The following IGF2BP3 variants were observed in gnomAD, a reference collection of about 807,000 sequenced individuals.
IGF2BP3 encodes the protein insulin-like growth factor 2 mRNA-binding protein 3.
In IGF2BP3, 9 loss-of-function variants were observed where a neutral mutation model predicts 73.8. The ratio of observed to expected loss-of-function variants is 0.12; its 90% confidence interval spans 0.07 to 0.21. IGF2BP3 has a LOEUF of 0.21. Ranked by LOEUF, IGF2BP3 falls within the 10% of genes least tolerant of loss-of-function variation. IGF2BP3 has a pLI of 1.00. For missense variants in IGF2BP3, 542 were observed against 714.0 expected, an observed-to-expected ratio of 0.76 and a Z score of 2.75; for synonymous variants, 258 against 256.7, an observed-to-expected ratio of 1.01 and a Z score of -0.05.
intron 2 of IGF2BP3, among the ~76,000 whole-genome samples, chr7:23,433,391 C>T (rs1057016878): frequency 6.6e-6 from 1 of 151,858 alleles, no homozygotes; most frequent in Admixed American, 6.6e-5. Flanking sequence ...AAAATACATA[C>T]AGATGTTGAA....
chr7:23,425,925 C>T (rs1441936841), intron 2 of IGF2BP3, among the ~76,000 whole-genome samples: 8 of 151,614 alleles, frequency 5.3e-5, no homozygotes, highest in Admixed American at 4.6e-4. Flanking sequence ...GTGGTGGTAC[C>T]ACTGCACTCC....
At chr7:23,314,086 C>T (rs539756843) in intron 12 of IGF2BP3, among the ~76,000 whole-genome samples, 3 of 152,286 alleles carry the variant, frequency 2.0e-5, no homozygotes, top group African/African-American at 7.2e-5. Flanking sequence ...ATGGTACAAT[C>T]ATAGCTCACT....
At position 23,349,553 on chromosome 7, in the gene IGF2BP3, G is replaced by A. The variant is rs140475626; in HGVS notation, c.683+1752C>T. On this transcript the variant is annotated intron_variant, in intron 6 of 14. Coordinates refer to ENST00000258729, the MANE Select transcript of IGF2BP3 (RefSeq NM_006547.3). ...CAGTTTATTTTCACCCTTTCACTGT[G>A]CTAAGGATTACTAAGCTCCGATCCC... Among the ~76,000 whole-genome samples the A allele has an allele frequency of 6.5e-4, 99 of 152,202 alleles. 1 individual carries two copies. The highest frequency in any genetic ancestry group is 3.4e-3 in the Middle Eastern group (1 of 294).
intron 3 of IGF2BP3, among the ~76,000 whole-genome samples, chr7:23,372,178 G>A (rs1785570936): frequency 6.6e-6 from 1 of 151,976 alleles, no homozygotes; most frequent in Admixed American, 6.5e-5. Flanking sequence ...GGGTTCAAGC[G>A]ATTCTTCTGC....
intron 3 of IGF2BP3, among the ~76,000 whole-genome samples, chr7:23,394,022 C>T (rs1220646407): frequency 2.6e-5 from 4 of 152,046 alleles, no homozygotes; most frequent in African/African-American, 7.2e-5. Context: ...AATTCCTACA[C>T]TTGTGTATAC....
At chr7:23,362,058 C>T (rs450096) in intron 3 of IGF2BP3, among the ~76,000 whole-genome samples, 5,919 of 152,280 alleles carry the variant, frequency 0.039, 187 homozygotes, top group South Asian at 0.11. Context: ...CATACATACA[C>T]AAACACATCA....
chr7:23,384,307 G>T (rs1374671809), intron 3 of IGF2BP3, among the ~76,000 whole-genome samples: 1 of 151,846 alleles, frequency 6.6e-6, no homozygotes, highest in Non-Finnish European at 1.5e-5. Context: ...TTCAGTGGGG[G>T]GAAAGAACAA....
Position 23,419,070 on chromosome 7 carries a change from C to T in IGF2BP3, c.237-246G>A, listed in dbSNP as rs371122864. Among the ~76,000 whole-genome samples the T allele has an allele frequency of 6.6e-5, 10 of 152,296 alleles. No individual in the cohort carries two copies. In the East Asian group the frequency reaches 1.7e-3, roughly 26 times the overall value. On this transcript the variant is annotated intron_variant, in intron 2 of 14. Transcript: ENST00000258729. ...TTATTTTAAAAGCCACTAAAATTGG[C>T]AGATAGAATGTTTAAAACACACTTA...
chr7:23,388,527 G>A (rs1005471956), intron 3 of IGF2BP3, among the ~76,000 whole-genome samples: 1 of 151,926 alleles, frequency 6.6e-6, no homozygotes, highest in African/African-American at 2.4e-5. Context: ...GGCTTCTATG[G>A]GAAAATAAAT....
chr7:23,370,529 C>T (rs1785511055), intron 3 of IGF2BP3, among the ~76,000 whole-genome samples: 1 of 152,182 alleles, frequency 6.6e-6, no homozygotes, highest in African/African-American at 2.4e-5. Flanking sequence ...CAGAGCTGCA[C>T]TATCCCATAA....
intron 10 of IGF2BP3, among the ~76,000 whole-genome samples, chr7:23,336,587 C>T (rs1275073347): frequency 3.9e-5 from 6 of 151,966 alleles, no homozygotes; most frequent in Admixed American, 6.6e-5. Flanking sequence ...CTCATTGCAA[C>T]CTCCACCTCC....
chr7:23,368,379 G>GAAAGAAAGAAAGAA (rs1562705087), intron 3 of IGF2BP3, among the ~76,000 whole-genome samples: 1 of 149,736 alleles, frequency 6.7e-6, no homozygotes, highest in African/African-American at 2.5e-5. Context: ...AAGAAAGAAA[G>GAAAGAAAGAAAGAA]AAAGAAAAGA....
At chr7:23,453,682 CTT>C (rs1788251502) in intron 2 of IGF2BP3, among the ~76,000 whole-genome samples, 1 of 151,820 alleles carries the variant, frequency 6.6e-6, no homozygotes, top group South Asian at 2.1e-4. Context: ...GCCAAGAAGT[CTT>C]TGCCAATTTA....
chr7:23,419,542 G>A (rs1024732945), intron 2 of IGF2BP3, among the ~76,000 whole-genome samples: 10 of 152,036 alleles, frequency 6.6e-5, no homozygotes, highest in African/African-American at 1.5e-4. Context: ...ATAATCCTAC[G>A]TATTTTATGC....
At chr7:23,321,670 C>G (rs1279712929) in intron 10 of IGF2BP3, among the ~76,000 whole-genome samples, 1 of 152,180 alleles carries the variant, frequency 6.6e-6, no homozygotes, top group Non-Finnish European at 1.5e-5. Flanking sequence ...CTTAAATGTC[C>G]CTGTGTGACA....
intron 2 of IGF2BP3, among the ~76,000 whole-genome samples, chr7:23,428,268 GA>G (rs780305792): frequency 6.6e-6 from 1 of 151,816 alleles, no homozygotes; most frequent in African/African-American, 2.4e-5. Flanking sequence ...TCAGGAGATT[GA>G]GAACATCCTG....
At chr7:23,377,267 T>A (rs995161681) in intron 3 of IGF2BP3, among the ~76,000 whole-genome samples, 4 of 152,108 alleles carry the variant, frequency 2.6e-5, no homozygotes, top group African/African-American at 9.7e-5. Flanking sequence ...CAAAGAACTC[T>A]TAAAACTCAA....
In IGF2BP3 at chr7:23,342,199, T is replaced by C; in HGVS notation, c.1078-10A>G. 1.2e-6 allele frequency: 2 copies of C among 1,613,354 alleles called. No homozygotes were observed. The highest frequency in any genetic ancestry group is 1.7e-6 in the Non-Finnish European group (2 of 1,179,488). ...TTAAATGTGCTTGAAGCTGCAACAG[T>C]AAAAAGGCCCCTTAATTTGACAATT... On this transcript the variant is annotated splice_polypyrimidine_tract_variant and intron_variant, in intron 9 of 14. Transcript: ENST00000258729.
At chr7:23,345,535 C>G (rs931691322) in intron 8 of IGF2BP3, among the ~76,000 whole-genome samples, 1 of 152,242 alleles carries the variant, frequency 6.6e-6, no homozygotes, top group African/African-American at 2.4e-5. Context: ...CAAGCCAGAA[C>G]CACCCAGCTA....
Sources: allele counts gnomAD v4.1 joint callset (sites outside exome capture counted in the v4.1 genomes callset), GRCh38; gene constraint gnomAD v4.1.1; transcripts MANE v1.5; gene names NCBI Gene and HGNC (gene_info 2026-07-23, HGNC 2026-07-21).